TIMP2: variants seen among roughly 807,000 people sequenced by gnomAD.
TIMP2 encodes the protein metalloproteinase inhibitor 2.
Under a neutral mutation model 24.3 loss-of-function variants are expected in TIMP2, and 5 were observed. That is an observed-to-expected ratio of 0.21 (90% CI 0.11 to 0.43). The LOEUF (loss-of-function observed/expected upper bound fraction) is 0.43. Ranked by LOEUF, TIMP2 falls within the 20% of genes least tolerant of loss-of-function variation. TIMP2 has a pLI of 1.00. For missense variants in TIMP2, 221 were observed against 297.5 expected, an observed-to-expected ratio of 0.74 and a Z score of 1.89; for synonymous variants, 130 against 123.2, an observed-to-expected ratio of 1.06 and a Z score of -0.37.
chr17:78,866,350 C>T (rs1447551594), intron 3 of TIMP2, among the ~76,000 whole-genome samples: 1 of 151,824 alleles, frequency 6.6e-6, no homozygotes, highest in Non-Finnish European at 1.5e-5. Context: ...AAGATCTTTG[C>T]ACCACAGGTG....
chr17:78,914,742 A>AT (rs1192166355), intron 1 of TIMP2, among the ~76,000 whole-genome samples: 2 of 151,672 alleles, frequency 1.3e-5, no homozygotes, highest in Non-Finnish European at 2.9e-5. Flanking sequence ...CCCCTGGCTA[A>AT]TTTTTAAAAT....
intron 1 of TIMP2, among the ~76,000 whole-genome samples, chr17:78,919,760 G>A (rs1193065413): frequency 1.3e-5 from 2 of 152,096 alleles, no homozygotes; most frequent in Non-Finnish European, 2.9e-5. Flanking sequence ...GCGTGAACCC[G>A]GGAGGCGGAG....
At chr17:78,858,824 C>T (rs2069545865) in intron 3 of TIMP2, among the ~76,000 whole-genome samples, 1 of 152,078 alleles carries the variant, frequency 6.6e-6, no homozygotes, top group Non-Finnish European at 1.5e-5. Context: ...CACGCCTGGC[C>T]CCAATATTCT....
chr17:78,909,845 C>A (rs1301145861), intron 1 of TIMP2, among the ~76,000 whole-genome samples: 2 of 152,090 alleles, frequency 1.3e-5, no homozygotes, highest in African/African-American at 4.8e-5. Flanking sequence ...GTGACCCAGG[C>A]AGTGTGGATT....
At position 78,855,613 on chromosome 17, in the gene TIMP2, C is replaced by A; in HGVS notation, c.*54G>T. 19 of 1,594,092 alleles carry A rather than the reference C, an allele frequency of 1.2e-5. No homozygotes were observed. The highest frequency in any genetic ancestry group is 3.3e-5 in the South Asian group (3 of 89,912). On this transcript the variant is annotated 3_prime_UTR_variant, in exon 5 of 5. Coordinates refer to ENST00000262768, the MANE Select transcript of TIMP2 (RefSeq NM_003255.5). This position sits in a 1 kb window ranked among gnomAD's most constrained non-coding sequence, Gnocchi z 6.0. ...GAAGGGATGTCAGAGCTGGACCAGT[C>A]GAAACCCTTGGAGGCTTTTTTTGCA...
rs183419299 is a variant in TIMP2 at position 78,858,062 on chromosome 17, A to G, written c.341-416T>C. Among the ~76,000 whole-genome samples the G allele has an allele frequency of 7.3e-5, 11 of 151,306 alleles. No individual in the cohort carries two copies. The South Asian group carries it at 1.7e-3, about 23-fold the overall frequency. On this transcript the variant is annotated intron_variant, in intron 3 of 4. Transcript: ENST00000262768. ...ACTCCAGCCTGGGTGACACAGCAAG[A>G]CTCCGTCTCAAAAAAATAAAAAGTG...
chr17:78,861,894 G>A (rs2069569992), intron 3 of TIMP2, among the ~76,000 whole-genome samples: 1 of 152,098 alleles, frequency 6.6e-6, no homozygotes, highest in Admixed American at 6.5e-5. Flanking sequence ...CTAGTTATTG[G>A]GCTAACATGA....
chr17:78,880,992 G>A (rs142920094), intron 1 of TIMP2, among the ~76,000 whole-genome samples: 141 of 152,324 alleles, frequency 9.3e-4, no homozygotes, highest in African/African-American at 3.2e-3. Flanking sequence ...TACGGGACGT[G>A]CTCAGGCAGC....
chr17:78,906,930 T>A (rs900700067), intron 1 of TIMP2, among the ~76,000 whole-genome samples: 3 of 152,148 alleles, frequency 2.0e-5, no homozygotes, highest in Non-Finnish European at 4.4e-5. Context: ...GAGTAGCATT[T>A]TTTAATTTCC....
Position 78,878,302 on chromosome 17 carries a change from T to C in TIMP2, c.131-4383A>G, listed in dbSNP as rs143802197. On this transcript the variant is annotated intron_variant, in intron 1 of 4. Transcript: ENST00000262768. ...GCTCCTTGACTTCACTGAGCCACAG[T>C]TGTTCACACCTAAGACAGAGACGAT... Among the ~76,000 whole-genome samples the C allele has an allele frequency of 3.4e-3, 521 of 152,324 alleles. 2 individuals carry two copies. Among genetic ancestry groups the C allele is most frequent in the African/African-American group, 0.012 (493 of 41,574 alleles).
At chr17:78,919,514 A>G (rs2070291827) in intron 1 of TIMP2, among the ~76,000 whole-genome samples, 1 of 151,974 alleles carries the variant, frequency 6.6e-6, no homozygotes, top group Non-Finnish European at 1.5e-5. Context: ...CCTTACCTTG[A>G]TTTCTTCACT....
At chr17:78,893,614 TG>T (rs1487283991) in intron 1 of TIMP2, among the ~76,000 whole-genome samples, 3 of 151,982 alleles carry the variant, frequency 2.0e-5, no homozygotes, top group African/African-American at 7.3e-5. Flanking sequence ...TGTGTGCCTC[TG>T]TGTGCATGTC....
rs983645197 is a variant in TIMP2, at chr17:78,891,592, C to T, written c.131-17673G>A. On this transcript the variant is annotated intron_variant, in intron 1 of 4. Coordinates refer to ENST00000262768, the MANE Select transcript of TIMP2 (RefSeq NM_003255.5). The surrounding 1 kb of genome is among the most constrained non-coding windows in gnomAD (Gnocchi z 4.5). ...GCCACAGCTGCCCGAGGTCTCTCAG[C>T]TTCCCCTCCAGACTCTGTCCCTGAG... The T allele has an allele frequency of 3.6e-5, 56 of 1,550,778 alleles. No homozygotes were observed. The highest frequency in any genetic ancestry group is 4.7e-5 in the Non-Finnish European group (54 of 1,147,082).
chr17:78,908,802 G>A (rs978124409), intron 1 of TIMP2, among the ~76,000 whole-genome samples: 21 of 152,188 alleles, frequency 1.4e-4, no homozygotes, highest in Non-Finnish European at 2.1e-4. Flanking sequence ...TCCCTGCCCT[G>A]GAGCCAACTG....
Position 78,924,929 on chromosome 17 carries a change from C to A in TIMP2, c.130+30G>T. 2.5e-6 allele frequency: 3 copies of A among 1,208,338 alleles called. No homozygotes were observed. The highest frequency in any genetic ancestry group is 3.1e-6 in the Non-Finnish European group (3 of 965,028). 74.9% of individuals were successfully genotyped at this position (1,208,338 alleles called of 1,614,324 possible). ...CGGGGTCGCGGGGGAGGTGGGGCCC[C>A]GCGCGGGGGCTGGGGTCGCCGCTCC... is the stretch of plus-strand genomic sequence containing the variant. On this transcript the variant is annotated intron_variant, in intron 1 of 4. Transcript: ENST00000262768. The surrounding 1 kb of genome is among the most constrained non-coding windows in gnomAD (Gnocchi z 5.3).
chr17:78,897,047 G>C, intron 1 of TIMP2: 4 of 974,346 alleles, frequency 4.1e-6, no homozygotes, highest in Non-Finnish European at 4.9e-6. Context: ...ACCTCACCCA[G>C]GGACCCTCCA....
At position 78,854,921 on chromosome 17, in the gene TIMP2, C is replaced by CGGGGGGGGGGGGGGGGGG. The variant is rs71161632; in HGVS notation, c.*745_*746insCCCCCCCCCCCCCCCCCC. The CGGGGGGGGGGGGGGGGGG allele has an allele frequency of 1.5e-4, 6 of 39,090 alleles. No homozygotes were observed. Among genetic ancestry groups the CGGGGGGGGGGGGGGGGGG allele is most frequent in the Non-Finnish European group, 2.6e-4 (5 of 19,168 alleles). 2.4% of individuals were successfully genotyped at this position (39,090 alleles called of 1,614,324 possible). A position where few individuals can be genotyped will look rare whatever the true frequency, so the allele number is the denominator to read the frequency against. ...TCCTGCAAGCTGGGGAGCATGTGGG[C>CGGGGGGGGGGGGGGGGGG]GGGGGGGGGGGGGTGGGGGGGTGGG... On this transcript the variant is annotated 3_prime_UTR_variant, in exon 5 of 5. Coordinates refer to ENST00000262768, the MANE Select transcript of TIMP2 (RefSeq NM_003255.5).
At chr17:78,918,979 CAAA>C (rs11333582) in intron 1 of TIMP2, among the ~76,000 whole-genome samples, 4,954 of 148,322 alleles carry the variant, frequency 0.033, 93 homozygotes, top group Admixed American at 0.041. Context: ...GACTCCGTCT[CAAA>C]AAAAAAAAAA....
At chr17:78,918,974 C>T (rs1333978405) in intron 1 of TIMP2, among the ~76,000 whole-genome samples, 3 of 67,384 alleles carry the variant, frequency 4.5e-5, no homozygotes, top group South Asian at 5.3e-4. Context: ...AGCAAGACTC[C>T]GTCTCAAAAA....
Sources: allele counts gnomAD v4.1 joint callset (sites outside exome capture counted in the v4.1 genomes callset), GRCh38; gene constraint gnomAD v4.1.1; non-coding constraint Gnocchi (gnomAD v3.1); transcripts MANE v1.5; gene names NCBI Gene and HGNC (gene_info 2026-07-23, HGNC 2026-07-21).